Variants in FANK1 observed in about 807,000 individuals in gnomAD.
The protein encoded by FANK1 is fibronectin type III and ankyrin repeat domains 1.
FANK1 carries 44 observed loss-of-function variants against 45.3 expected under a neutral mutation model. The observed-to-expected ratio is 0.97, with a 90% CI of 0.76 to 1.25. The LOEUF is 1.25. Ranked by LOEUF, FANK1 falls within the 50% of genes most tolerant of loss-of-function variation. FANK1 has a pLI of 0.00. For missense variants in FANK1, 391 were observed against 424.4 expected (o/e 0.92, Z 0.69); for synonymous variants, 149 against 152.5 (o/e 0.98, Z 0.17).
intron 1 of FANK1, among the ~76,000 whole-genome samples, chr10:125,966,816 A>T (rs1029821210): frequency 6.6e-6 from 1 of 152,242 alleles, no homozygotes; most frequent in African/African-American, 2.4e-5. Flanking sequence ...CATAAGAATA[A>T]GTAAAAGTGC....
intron 3 of FANK1, chr10:125,989,267 TA>T: frequency 6.5e-7 from 1 of 1,548,650 alleles, no homozygotes; most frequent in Non-Finnish European, 8.7e-7. Context: ...TTAAAGATGC[TA>T]TCTATGTCCA....
chr10:125,899,020 G>A (rs898013366), intron 1 of FANK1, among the ~76,000 whole-genome samples: 5 of 151,090 alleles, frequency 3.3e-5, no homozygotes, highest in South Asian at 4.2e-4. Flanking sequence ...TGAGCCTCCT[G>A]GCTAGATGTG....
chr10:125,912,645 A>T (rs10901466), intron 1 of FANK1, among the ~76,000 whole-genome samples: 5 of 151,952 alleles, frequency 3.3e-5, no homozygotes, highest in African/African-American at 1.2e-4. Flanking sequence ...TTTTTATTTT[A>T]TTTTTTGAGA....
chr10:125,989,294 A>C, intron 3 of FANK1: 1 of 1,550,522 alleles, frequency 6.4e-7, no homozygotes, highest in Non-Finnish European at 8.7e-7. Context: ...ATCTCTGAGC[A>C]AGAGCCTTGT....
Position 125,983,356 on chromosome 10 carries a change from G to T in FANK1, c.191+3018G>T, listed in dbSNP as rs779445934. Among the ~76,000 whole-genome samples the T allele has an allele frequency of 6.6e-6, 1 of 152,104 alleles. No individual in the cohort carries two copies. The highest frequency in any genetic ancestry group is 1.5e-5 in the Non-Finnish European group (1 of 68,028). On this transcript the variant is annotated intron_variant, in intron 2 of 10. Transcript: ENST00000368693. The surrounding 1 kb of genome is among the most constrained non-coding windows in gnomAD (Gnocchi z 4.3). ...CAGCGTGTATTATTGAGTGTCTGCC[G>T]TGTGTCAGACACTGCTCCGGATGCT...
chr10:125,969,842 T>C (rs1462516397), intron 1 of FANK1, among the ~76,000 whole-genome samples: 1 of 152,158 alleles, frequency 6.6e-6, no homozygotes, highest in African/African-American at 2.4e-5. Context: ...ACGAGCATGC[T>C]GCCTTCAAGC....
chr10:125,953,471 G>A (rs1173296859), intron 1 of FANK1, among the ~76,000 whole-genome samples: 1 of 152,186 alleles, frequency 6.6e-6, no homozygotes, highest in African/African-American at 2.4e-5. Context: ...CACCAGATCA[G>A]CTCTGTTTTT....
rs115058140 is a variant in FANK1 at position 125,985,509 on chromosome 10, A to T, written c.192-3042A>T. Among the ~76,000 whole-genome samples, 748 of 152,222 alleles carry T rather than the reference A, an allele frequency of 4.9e-3. 2 individuals carry two copies. Among genetic ancestry groups the T allele is most frequent in the African/African-American group, 0.017 (725 of 41,550 alleles). The stretch of plus-strand genomic sequence containing the variant: ...TTTAGAGCTTTTACTTTTATGGTAA[A>T]TGTGTTTATATCAATTTTTAACACT... On this transcript the variant is annotated intron_variant, in intron 2 of 10. Transcript: ENST00000368693.
At chr10:125,963,664 GT>G (rs1471808278) in intron 1 of FANK1, among the ~76,000 whole-genome samples, 1 of 152,206 alleles carries the variant, frequency 6.6e-6, no homozygotes, top group African/African-American at 2.4e-5. Context: ...AACACCACAT[GT>G]TCTCACTCAT....
intron 3 of FANK1, 123 bp from the exon 4 acceptor site, chr10:125,995,294 C>A: frequency 1.2e-6 from 1 of 817,138 alleles, no homozygotes; most frequent in Non-Finnish European, 2.0e-6. Context: ...GTAAGATATA[C>A]TTAACAGGAA....
intron 1 of FANK1, among the ~76,000 whole-genome samples, chr10:125,949,570 C>A (rs1284755407): frequency 6.7e-6 from 1 of 149,648 alleles, no homozygotes; most frequent in African/African-American, 2.4e-5. Flanking sequence ...ATGTGAAGGA[C>A]CTCTTCAAGG....
Position 125,920,535 on chromosome 10 carries a change from G to T in FANK1, c.13+23880G>T, listed in dbSNP as rs575946601. Among the ~76,000 whole-genome samples, 5 of 152,260 alleles carry T rather than the reference G, an allele frequency of 3.3e-5. No individual in the cohort carries two copies. In the South Asian group the frequency reaches 1.0e-3, roughly 32 times the overall value. On this transcript the variant is annotated intron_variant, in intron 1 of 10. Transcript: ENST00000368693. ...AAATAAGTGCAAGTGATTGTTTTTG[G>T]CAGGAGGCCACATAAACATTTCTGC...
chr10:125,994,299 A>C, intron 3 of FANK1: 1 of 712,740 alleles, frequency 1.4e-6, no homozygotes, highest in South Asian at 6.3e-5. Flanking sequence ...AGTGTAAGTG[A>C]GCATGGGAAC....
Position 125,994,515 on chromosome 10 carries a change from G to A in FANK1, c.317-902G>A, listed in dbSNP as rs1456384853. The A allele has an allele frequency of 4.1e-6, 4 of 985,284 alleles. No individual in the cohort carries two copies. The African/African-American group carries it at 5.2e-5, about 13-fold the overall frequency. 61.0% of individuals were successfully genotyped at this position (985,284 alleles called of 1,614,324 possible). A position where few individuals can be genotyped will look rare whatever the true frequency, so the allele number is the denominator to read the frequency against. ...AAGTGGTGGGGCTGTATCCACTGAC[G>A]ATGGTAGCTGCTGTACTGTCACCCC... On this transcript the variant is annotated intron_variant, in intron 3 of 10. Transcript: ENST00000368693.
chr10:125,903,451 C>T (rs944578443), intron 1 of FANK1, among the ~76,000 whole-genome samples: 2 of 152,266 alleles, frequency 1.3e-5, no homozygotes, highest in African/African-American at 4.8e-5. Flanking sequence ...TGCCCCAGAC[C>T]TTTCCTGGTT....
intron 1 of FANK1, among the ~76,000 whole-genome samples, chr10:125,949,075 A>C (rs1276446459): frequency 6.6e-6 from 1 of 151,612 alleles, no homozygotes; most frequent in Admixed American, 6.6e-5. Context: ...ACAACCCTTC[A>C]TGCTAAAAAC....
intron 1 of FANK1, among the ~76,000 whole-genome samples, chr10:125,929,299 GA>G (rs781246576): frequency 2.0e-5 from 3 of 148,026 alleles, no homozygotes; most frequent in Non-Finnish European, 2.9e-5. Flanking sequence ...GCAGCCTTCA[GA>G]ATAGGTGAAA....
chr10:125,986,655 G>A (rs1052538357), intron 2 of FANK1, among the ~76,000 whole-genome samples: 5 of 152,206 alleles, frequency 3.3e-5, no homozygotes, highest in East Asian at 1.9e-4. Flanking sequence ...CCTGGGAGAC[G>A]TCTGCCTGTC....
chr10:125,935,450 G>C (rs1589930546), intron 1 of FANK1, among the ~76,000 whole-genome samples: 1 of 152,106 alleles, frequency 6.6e-6, no homozygotes, highest in East Asian at 1.9e-4. Flanking sequence ...TAAGACAGCA[G>C]GGTTATCATC....
Sources: allele counts gnomAD v4.1 joint callset (sites outside exome capture counted in the v4.1 genomes callset), GRCh38; gene constraint gnomAD v4.1.1; non-coding constraint Gnocchi (gnomAD v3.1); transcripts MANE v1.5; gene names NCBI Gene and HGNC (gene_info 2026-07-23, HGNC 2026-07-21).